The following EPHA5 variants were observed in gnomAD, a reference collection of about 807,000 sequenced individuals.
EPHA5 encodes ephrin type-A receptor 5.
Under a neutral mutation model 105.0 loss-of-function variants are expected in EPHA5, and 60 were observed. That is an observed-to-expected ratio of 0.57 (90% CI 0.46 to 0.71). The LOEUF is 0.71. Among genes scored for constraint, EPHA5 ranks in the 30% least tolerant of loss-of-function variants. The pLI is 0.00. For missense variants in EPHA5, 1,218 were observed against 1,274.7 expected (o/e 0.96, Z 0.68); for synonymous variants, 513 against 449.1 (o/e 1.14, Z -1.80).
rs1325130728 is a variant in EPHA5, at chr4:65,571,824, A to C, written c.910+29817T>G. 2.6e-5 allele frequency among the ~76,000 whole-genome samples: 4 copies of C among 152,074 alleles called. No homozygotes were observed. In the East Asian group the frequency reaches 7.7e-4, roughly 29 times the overall value. The stretch of plus-strand genomic sequence containing the variant: ...TCTTACAGTTGCATAATAGCATTTC[A>C]GTATTTCGGGTCCAAAGTCCAATTA... On this transcript the variant is annotated intron_variant, in intron 3 of 16. Transcript: ENST00000613740.
At chr4:65,403,867 A>G (rs144976713) in intron 8 of EPHA5, among the ~76,000 whole-genome samples, 309 of 152,276 alleles carry the variant, frequency 2.0e-3, no homozygotes, top group African/African-American at 7.1e-3. Context: ...AGCTGAAAAT[A>G]AAAGTGGTCA....
At chr4:65,398,848 G>T (rs188878906) in intron 8 of EPHA5, among the ~76,000 whole-genome samples, 44 of 152,216 alleles carry the variant, frequency 2.9e-4, no homozygotes, top group Admixed American at 1.1e-3. Context: ...TACCCACTTT[G>T]GGTCTCCTTA....
intron 5 of EPHA5, among the ~76,000 whole-genome samples, chr4:65,462,398 C>A (rs926767080): frequency 2.7e-4 from 41 of 152,250 alleles, no homozygotes; most frequent in African/African-American, 9.1e-4. Flanking sequence ...AAACTGCTCC[C>A]AAATTTGATG....
chr4:65,514,975 G>T lies in EPHA5; in HGVS notation c.911-19432C>A, dbSNP rs538132808. On this transcript the variant is annotated intron_variant, in intron 3 of 16. Coordinates refer to ENST00000613740, the MANE Select transcript of EPHA5 (RefSeq NM_001281766.3). ...AATAATTCCTATAATCAAATCAAAC[G>T]TTGTGATTATCAATAGCTGCAAACT... Among the ~76,000 whole-genome samples, 44 of 151,918 alleles carry T rather than the reference G, an allele frequency of 2.9e-4. No individual in the cohort carries two copies. In the South Asian group the frequency reaches 8.5e-3, roughly 29 times the overall value.
intron 7 of EPHA5, among the ~76,000 whole-genome samples, chr4:65,409,914 T>A (rs979885371): frequency 6.6e-6 from 1 of 152,136 alleles, no homozygotes; most frequent in Non-Finnish European, 1.5e-5. Context: ...CAATTCCAAA[T>A]GCTGACAAGG....
intron 5 of EPHA5, among the ~76,000 whole-genome samples, chr4:65,473,325 G>A (rs1294578796): frequency 1.3e-5 from 2 of 152,116 alleles, no homozygotes; most frequent in African/African-American, 2.4e-5. Context: ...TCCTTATAGA[G>A]GTACCCCGCT....
intron 1 of EPHA5, among the ~76,000 whole-genome samples, chr4:65,668,488 C>T (rs972760742): frequency 2.0e-5 from 3 of 152,136 alleles, no homozygotes; most frequent in Non-Finnish European, 4.4e-5. Context: ...AGATACTGTT[C>T]CCGCCCCTCC....
chr4:65,501,972 T>C (rs1017067478), intron 3 of EPHA5, among the ~76,000 whole-genome samples: 5 of 151,654 alleles, frequency 3.3e-5, no homozygotes, highest in African/African-American at 1.2e-4. Flanking sequence ...TTTGATCTTT[T>C]ACAAAGCCAA....
rs1423024261 is a variant in EPHA5, at chr4:65,663,415, A to T, written c.181+6147T>A. 2.0e-5 allele frequency among the ~76,000 whole-genome samples: 3 copies of T among 152,046 alleles called. No individual in the cohort carries two copies. The East Asian group carries it at 5.8e-4, about 29-fold the overall frequency. Reference sequence around the variant, plus strand: ...CAGTTTTCTTTTATGACTTTGTAACATCTGAGATTCTCATTAGGGATACTG... The same window carrying T: ...CAGTTTTCTTTTATGACTTTGTAACTTCTGAGATTCTCATTAGGGATACTG... On this transcript the variant is annotated intron_variant, in intron 1 of 16. Transcript: ENST00000613740.
intron 5 of EPHA5, among the ~76,000 whole-genome samples, chr4:65,463,392 T>C (rs1199813384): frequency 6.6e-6 from 1 of 152,188 alleles, no homozygotes; most frequent in African/African-American, 2.4e-5. Context: ...TGGATTTTAG[T>C]TACTTAAAAT....
At chr4:65,597,547 T>C (rs1743311286) in intron 3 of EPHA5, among the ~76,000 whole-genome samples, 1 of 151,756 alleles carries the variant, frequency 6.6e-6, no homozygotes, top group South Asian at 2.1e-4. Context: ...TGGGGAAACA[T>C]ACTTGGATAA....
intron 3 of EPHA5, among the ~76,000 whole-genome samples, chr4:65,499,386 C>T (rs1578261243): frequency 6.6e-6 from 1 of 151,642 alleles, no homozygotes; most frequent in East Asian, 1.9e-4. Context: ...AAACAAACAA[C>T]AAAACTATCA....
chr4:65,540,273 A>G (rs1403917496), intron 3 of EPHA5, among the ~76,000 whole-genome samples: 3 of 151,572 alleles, frequency 2.0e-5, no homozygotes, highest in African/African-American at 7.2e-5. Flanking sequence ...ATGCACATGA[A>G]AACTTATTTC....
At chr4:65,633,226 G>A (rs1026654927) in intron 2 of EPHA5, among the ~76,000 whole-genome samples, 8 of 151,874 alleles carry the variant, frequency 5.3e-5, no homozygotes, top group Admixed American at 3.3e-4. Context: ...ACAGGAATGC[G>A]GGATGATTAC....
intron 2 of EPHA5, among the ~76,000 whole-genome samples, chr4:65,632,219 G>T (rs923194798): frequency 6.6e-6 from 1 of 152,036 alleles, no homozygotes; most frequent in Non-Finnish European, 1.5e-5. Context: ...TAACTATACT[G>T]CCATTAAGGA....
At chr4:65,445,497 G>A (rs193231317) in intron 5 of EPHA5, among the ~76,000 whole-genome samples, 80 of 152,138 alleles carry the variant, frequency 5.3e-4, no homozygotes, top group African/African-American at 1.6e-3. Context: ...ATATAGTTTC[G>A]TAGTAATGAA....
chr4:65,527,568 T>A (rs1735358621), intron 3 of EPHA5, among the ~76,000 whole-genome samples: 3 of 152,186 alleles, frequency 2.0e-5, no homozygotes, highest in East Asian at 1.9e-4. Flanking sequence ...ATTTCTTTTT[T>A]AAATTAGATC....
In EPHA5 at chr4:65,669,815, A is replaced by AG. The variant is rs1750311052; in HGVS notation, c.-74dup. On this transcript the variant is annotated 5_prime_UTR_variant, in exon 1 of 17. Transcript: ENST00000613740. ...CCGCTTCGGCCTCGCAGAGCGGCGA[A>AG]GGGAGACTCGGGAGTCCTCCTTGTC... is the stretch of plus-strand genomic sequence containing the variant. 1.6e-6 allele frequency: 2 copies of AG among 1,233,902 alleles called. No individual in the cohort carries two copies. The highest frequency in any genetic ancestry group is 8.4e-5 in the Admixed American group (2 of 23,722). 76.4% of individuals were successfully genotyped at this position (1,233,902 alleles called of 1,614,324 possible).
chr4:65,461,751 C>T (rs1279483499), intron 5 of EPHA5, among the ~76,000 whole-genome samples: 1 of 151,794 alleles, frequency 6.6e-6, no homozygotes, highest in Non-Finnish European at 1.5e-5. Context: ...TTAACAGCTA[C>T]AAAAATGGGG....
Sources: allele counts gnomAD v4.1 joint callset (sites outside exome capture counted in the v4.1 genomes callset), GRCh38; gene constraint gnomAD v4.1.1; transcripts MANE v1.5; gene names NCBI Gene and HGNC (gene_info 2026-07-23, HGNC 2026-07-21).